Variants in CCDC73 observed in about 807,000 individuals in gnomAD.
CCDC73 encodes the protein coiled-coil domain containing 73.
Under a neutral mutation model 116.5 loss-of-function variants are expected in CCDC73, and 95 were observed. That is an observed-to-expected ratio of 0.82 (90% CI 0.69 to 0.97). CCDC73 has a LOEUF of 0.97. Ranked by LOEUF, CCDC73 falls within the 50% of genes least tolerant of loss-of-function variation. The probability of loss-of-function intolerance (pLI) is 0.00; values close to 1 mark genes in which losing one functional copy is unlikely to be tolerated. For missense variants in CCDC73, 1,066 were observed against 1,206.8 expected (o/e 0.88, Z 1.73); for synonymous variants, 398 against 401.3 (o/e 0.99, Z 0.10).
chr11:32,769,742 C>T (rs1382776703), intron 1 of CCDC73, among the ~76,000 whole-genome samples: 3 of 152,190 alleles, frequency 2.0e-5, no homozygotes, highest in African/African-American at 7.2e-5. Flanking sequence ...TCCCTACTCT[C>T]ATTTTTATCT....
intron 6 of CCDC73, among the ~76,000 whole-genome samples, chr11:32,688,483 C>G (rs755532243): frequency 2.6e-4 from 40 of 152,144 alleles, no homozygotes; most frequent in Non-Finnish European, 4.9e-4. Context: ...AAACTAGATC[C>G]TTTTGTTATA....
intron 3 of CCDC73, among the ~76,000 whole-genome samples, chr11:32,714,644 C>T (rs1215755968): frequency 1.3e-5 from 2 of 152,014 alleles, no homozygotes; most frequent in African/African-American, 4.8e-5. Flanking sequence ...CATGGAATGC[C>T]ATTCCATCAA....
chr11:32,693,338 T>G (rs1416316082), intron 6 of CCDC73, among the ~76,000 whole-genome samples: 2 of 152,216 alleles, frequency 1.3e-5, no homozygotes, highest in Admixed American at 6.5e-5. Context: ...TATTTAAGTT[T>G]CAACTTGGGG....
At chr11:32,830,287 C>T in the CCDC73 span, 13 of 863,408 alleles carry the variant, frequency 1.5e-5, no homozygotes, top group Non-Finnish European at 2.0e-5. Flanking sequence ...GCGACAGGTG[C>T]CCGATCAGCC....
intron 14 of CCDC73, among the ~76,000 whole-genome samples, chr11:32,628,767 C>A (rs1855599436): frequency 6.6e-6 from 1 of 152,058 alleles, no homozygotes; most frequent in Admixed American, 6.6e-5. Flanking sequence ...TGTTCTAACA[C>A]AATAAAAATT....
intron 7 of CCDC73, 47 bp downstream of exon 7, chr11:32,683,489 T>C: frequency 8.2e-7 from 1 of 1,219,556 alleles, no homozygotes; most frequent in South Asian, 1.2e-5. Context: ...CCAATCCCCC[T>C]AAGTACTAAT....
intron 9 of CCDC73, among the ~76,000 whole-genome samples, chr11:32,666,085 C>T (rs1165691368): frequency 1.3e-5 from 2 of 152,242 alleles, no homozygotes; most frequent in African/African-American, 2.4e-5. Flanking sequence ...CTCTGGCTGC[C>T]CTTAACATTT....
At chr11:32,776,961 A>ACG (rs1491146508) in intron 1 of CCDC73, among the ~76,000 whole-genome samples, 1 of 36,358 alleles carries the variant, frequency 2.8e-5, no homozygotes, top group African/African-American at 8.5e-5. Context: ...ATATATATAT[A>ACG]CACACACACA....
chr11:32,772,386 A>G (rs2419762), intron 1 of CCDC73, among the ~76,000 whole-genome samples: 114,042 of 151,276 alleles, frequency 0.75, 43,118 homozygotes, highest in East Asian at 0.93. Flanking sequence ...GGACAACAAA[A>G]AAAAATGACT....
intron 14 of CCDC73, among the ~76,000 whole-genome samples, chr11:32,619,586 G>C (rs1160916094): frequency 6.6e-6 from 1 of 152,000 alleles, no homozygotes; most frequent in Non-Finnish European, 1.5e-5. Context: ...GGCAGGAGGA[G>C]TGGTTAAGCT....
chr11:32,655,976 C>T (rs1855867878), intron 9 of CCDC73, among the ~76,000 whole-genome samples: 1 of 152,086 alleles, frequency 6.6e-6, no homozygotes, highest in African/African-American at 2.4e-5. Flanking sequence ...ACTCAAGAAT[C>T]TGATTTTCGG....
chr11:32,629,084 T>C (rs989050316), intron 14 of CCDC73, among the ~76,000 whole-genome samples: 1 of 152,016 alleles, frequency 6.6e-6, no homozygotes, highest in African/African-American at 2.4e-5. Context: ...ACAAATGAAC[T>C]TCAGGACATA....
intron 2 of CCDC73, chr11:32,758,161 G>T (rs1565095003): frequency 5.9e-6 from 1 of 169,410 alleles, no homozygotes; most frequent in East Asian, 1.6e-4. Flanking sequence ...TAAGAAGAAA[G>T]CTCTCTTTTC....
intron 1 of CCDC73, among the ~76,000 whole-genome samples, chr11:32,768,398 C>A (rs952492814): frequency 1.3e-5 from 2 of 152,022 alleles, no homozygotes; most frequent in African/African-American, 4.8e-5. Context: ...GTGCAGCACA[C>A]CAGCATGGTA....
chr11:32,727,784 C>T lies in CCDC73; in HGVS notation c.136-9637G>A, dbSNP rs528300694. On this transcript the variant is annotated intron_variant, in intron 2 of 17. Coordinates refer to ENST00000335185, the MANE Select transcript of CCDC73 (RefSeq NM_001008391.4). ...ATGGGGTTTCACCATCTTGGCCAGG[C>T]TGGTCTTGAACTCCTGATGTCGTGA... Among the ~76,000 whole-genome samples, 3 of 152,136 alleles carry T rather than the reference C, an allele frequency of 2.0e-5. No homozygotes were observed. The South Asian group carries it at 6.2e-4, about 32-fold the overall frequency.
intron 14 of CCDC73, among the ~76,000 whole-genome samples, chr11:32,627,385 G>C (rs1855585715): frequency 6.6e-6 from 1 of 152,204 alleles, no homozygotes; most frequent in Admixed American, 6.5e-5. Context: ...CTGTAAACTA[G>C]TTCAACCACT....
At chr11:32,823,399 G>A in the CCDC73 span, among the ~76,000 whole-genome samples, 8 of 152,212 alleles carry the variant, frequency 5.3e-5, no homozygotes, top group South Asian at 4.1e-4. Context: ...GCTTGAACCC[G>A]GGAGGTGGAG....
At chr11:32,758,854 T>C (rs558806156) in intron 2 of CCDC73, among the ~76,000 whole-genome samples, 1 of 152,288 alleles carries the variant, frequency 6.6e-6, no homozygotes, top group South Asian at 2.1e-4. Context: ...CACTTCTTTA[T>C]AATACTTACC....
rs1317428333 is a variant in CCDC73 at position 32,755,855 on chromosome 11, G to A, written c.135+4254C>T. On this transcript the variant is annotated intron_variant, in intron 2 of 17. Coordinates refer to ENST00000335185, the MANE Select transcript of CCDC73 (RefSeq NM_001008391.4). The stretch of plus-strand genomic sequence containing the variant: ...TGTATATATCTCCATATATATGTGT[G>A]TGTATATATCTCCATATATATATCT... Among the ~76,000 whole-genome samples the A allele has an allele frequency of 7.8e-5, 10 of 128,222 alleles. 1 individual carries two copies. Among genetic ancestry groups the A allele is most frequent in the African/African-American group, 5.9e-5 (2 of 34,186 alleles). 84.1% of individuals were successfully genotyped at this position (128,222 alleles called of 152,430 possible).
Sources: gnomAD v4.1 joint callset for allele counts (sites outside exome capture counted in the v4.1 genomes callset) on GRCh38, gnomAD v4.1.1 for gene constraint, MANE v1.5 for transcripts, NCBI Gene and HGNC (gene_info 2026-07-23, HGNC 2026-07-21) for gene names.